The following HERC1 variants were observed in gnomAD, a reference collection of about 807,000 sequenced individuals.
The protein encoded by HERC1 is HECT and RLD domain containing E3 ubiquitin protein ligase family member 1.
In HERC1, 160 loss-of-function variants were observed where a neutral mutation model predicts 554.3. The ratio of observed to expected loss-of-function variants is 0.29; its 90% CI spans 0.25 to 0.33. HERC1 has a LOEUF of 0.33. HERC1 is among the 10% of genes least tolerant of loss of function. The pLI is 1.00. For synonymous variants in HERC1, 2,175 were observed against 2,131.7 expected (o/e 1.02, Z -0.56); for missense variants, 4,919 against 5,918.5 (o/e 0.83, Z 5.54).
At chr15:63,676,197 C>T (rs1207895274) in intron 37 of HERC1, among the ~76,000 whole-genome samples, 2 of 152,148 alleles carry the variant, frequency 1.3e-5, no homozygotes. Context: ...CCACCAAGCC[C>T]AGCCTACTGT....
intron 1 of HERC1, among the ~76,000 whole-genome samples, chr15:63,787,434 G>C (rs2143835426): frequency 6.6e-6 from 1 of 152,144 alleles, no homozygotes; most frequent in South Asian, 2.1e-4. Context: ...TGGAATTTCA[G>C]GCATGAGCCG....
In HERC1 at chr15:63,677,096, T is replaced by G. The variant is rs868539193; in HGVS notation, c.7070+749A>C. Among the ~76,000 whole-genome samples the G allele has an allele frequency of 6.6e-6, 1 of 152,144 alleles. No individual in the cohort carries two copies. The highest frequency in any genetic ancestry group is 2.4e-5 in the African/African-American group (1 of 41,438). On this transcript the variant is annotated intron_variant, in intron 37 of 77. Coordinates refer to ENST00000443617, the MANE Select transcript of HERC1 (RefSeq NM_003922.4). This position sits in a 1 kb window ranked among gnomAD's most constrained non-coding sequence, Gnocchi z 4.4. ...AAATCCCAAATCTGAAATGCTCCAA[T>G]GGGCAACTCCTTTGAGTGAAAACCT...
At chr15:63,651,891 C>A (rs542623134) in intron 52 of HERC1, among the ~76,000 whole-genome samples, 1 of 152,138 alleles carries the variant, frequency 6.6e-6, no homozygotes, top group African/African-American at 2.4e-5. Context: ...CAAAAATTAG[C>A]CGGGCATGGT....
chr15:63,690,678 A>G, intron 31 of HERC1, 31 bp from the exon 32 acceptor site: 2 of 1,299,360 alleles, frequency 1.5e-6, no homozygotes, highest in South Asian at 2.5e-5. Flanking sequence ...TCTTATTATC[A>G]ATGTGACTTA....
rs1596070833 is a variant in HERC1 at position 63,723,208 on chromosome 15, C to T, written c.3716G>A (p.Ser1239Asn). 1 of 1,577,878 alleles carries T rather than the reference C, an allele frequency of 6.3e-7. No individual in the cohort carries two copies. The highest frequency in any genetic ancestry group is 2.3e-5 in the East Asian group (1 of 44,256). Residue 1239 changes from serine to asparagine, a missense_variant, in exon 19 of 78, where the codon AGC becomes AAC. Transcript: ENST00000443617. ...SKEPARSLWISMQDYAVSKDW... is the reference protein window; with the variant it reads ...SKEPARSLWINMQDYAVSKDW... ...TTTACTAACAGCATAGTCCTGCATG[C>T]TGATCCAAAGGCTTCGGGCAGGCTC...
chr15:63,725,428 TG>T lies in HERC1; in HGVS notation c.3431del (p.Thr1144LysfsTer30). 1 of 1,613,664 alleles carries T rather than the reference TG, an allele frequency of 6.2e-7. No homozygotes were observed. The highest frequency in any genetic ancestry group is 8.5e-7 in the Non-Finnish European group (1 of 1,179,808). On this transcript the variant is annotated frameshift_variant, in exon 18 of 78. Transcript: ENST00000443617. LOFTEE classifies it high-confidence loss of function. ...SWVWLVDLER[T>X]IALLIGRCLG... ...GACACCGCCCAATAAGGAGAGCAAT[TG>T]TTCTTTCTAGATCCACAAGCCATAC... is the stretch of plus-strand genomic sequence containing the variant.
intron 68 of HERC1, 36 bp downstream of exon 68, chr15:63,632,673 T>C (rs763158378): frequency 5.3e-6 from 7 of 1,314,824 alleles, no homozygotes; most frequent in Non-Finnish European, 7.5e-6. Context: ...TTTATAATGA[T>C]GTGTACCCAA....
rs1259709831 is a variant in HERC1, at chr15:63,672,481, G to C, written c.8045+15C>G. The C allele has an allele frequency of 1.3e-6, 2 of 1,563,936 alleles. No homozygotes were observed. The highest frequency in any genetic ancestry group is 2.7e-5 in the African/African-American group (2 of 73,896). The stretch of plus-strand genomic sequence containing the variant: ...AGGCATCAGTATGGCAGACATTAAA[G>C]GTCAACTTCTCTACCTGAGAAGACT... On this transcript the variant is annotated intron_variant, in intron 39 of 77. Transcript: ENST00000443617.
At chr15:63,802,725 C>G (rs954824601) in intron 1 of HERC1, among the ~76,000 whole-genome samples, 3 of 152,132 alleles carry the variant, frequency 2.0e-5, no homozygotes, top group African/African-American at 7.2e-5. Flanking sequence ...CCAATCAGCA[C>G]TACAACTATC....
intron 53 of HERC1, 116 bp downstream of exon 53, chr15:63,651,137 T>C (rs1274016544): frequency 3.4e-6 from 3 of 877,278 alleles, no homozygotes; most frequent in Non-Finnish European, 1.8e-6. Context: ...TTCAGAGTTG[T>C]TGGAAGGCTT....
At chr15:63,641,766 T>C (rs2069074253) in intron 59 of HERC1, 123 bp from the exon 60 acceptor site, 1 of 755,008 alleles carries the variant, frequency 1.3e-6, no homozygotes, top group African/African-American at 1.8e-5. Context: ...ATATTTTATA[T>C]CCAAAAAGGC....
At chr15:63,683,637 A>AC (rs754979029) in intron 34 of HERC1, among the ~76,000 whole-genome samples, 37 of 152,308 alleles carry the variant, frequency 2.4e-4, no homozygotes, top group Non-Finnish European at 4.3e-4. Context: ...GTCAGGTCCT[A>AC]CACCATCTAA....
intron 2 of HERC1, among the ~76,000 whole-genome samples, chr15:63,773,596 T>C (rs2142987544): frequency 6.6e-6 from 1 of 152,010 alleles, no homozygotes; most frequent in South Asian, 2.1e-4. Flanking sequence ...TGCCCAGGAG[T>C]GTTGTGGCAT....
chr15:63,712,780 C>A lies in HERC1; in HGVS notation c.4579G>T (p.Ala1527Ser), dbSNP rs748070202. The A allele has an allele frequency of 1.6e-5, 26 of 1,613,484 alleles. No individual in the cohort carries two copies. Among genetic ancestry groups the A allele is most frequent in the Non-Finnish European group, 2.0e-5 (24 of 1,179,656 alleles). Reference protein sequence around the residue: ...SQPESDEEGYALSGRRNVDLD... With the variant: ...SQPESDEEGYSLSGRRNVDLD... ...CTGAATCTGGGTATACCTACCAGTG[C>A]GTAACCCTCTTCATCTGATTCAGGC... The change falls in exon 24 of 78, where the codon GCA (alanine) becomes TCA (serine). Residue 1527 changes from alanine to serine, a missense_variant. This residue lies in a region of HERC1 where 1,121 missense variants were observed against 1,244.0 expected (regional missense o/e 0.90). Coordinates refer to ENST00000443617, the MANE Select transcript of HERC1 (RefSeq NM_003922.4).
chr15:63,638,501 T>A lies in HERC1; in HGVS notation c.12003A>T (p.Leu4001Phe). ...WHLGGKCDVY[L>F]WGAGRHGQLA... ...GCTGTCCATGCCTACCAGCACCCCA[T>A]AAGTAGACATCACATTTACCTCCCA... Residue 4001 changes from leucine (L) to phenylalanine (F), a missense_variant, in exon 63 of 78, where the codon TTA (leucine) becomes TTT (phenylalanine). By Grantham distance (22) the Leu-to-Phe change is conservative (BLOSUM62 0). This residue lies in a region of HERC1 where 122 missense variants were observed against 195.2 expected (regional missense o/e 0.63). Transcript: ENST00000443617. 2 of 1,613,866 alleles carry A rather than the reference T, an allele frequency of 1.2e-6. No homozygotes were observed. Among genetic ancestry groups the A allele is most frequent in the Non-Finnish European group, 1.7e-6 (2 of 1,179,802 alleles).
chr15:63,709,940 A>G (rs1275225021), intron 24 of HERC1, among the ~76,000 whole-genome samples: 1 of 152,258 alleles, frequency 6.6e-6, no homozygotes, highest in Non-Finnish European at 1.5e-5. Flanking sequence ...GTAACATTTT[A>G]GACAGTCCTT....
At position 63,658,533 on chromosome 15, in the gene HERC1, A is replaced by G. The variant is rs749644034; in HGVS notation, c.9599+11T>C. ...TTAACTTAGCATCATGTGACATAAA[A>G]TAACACTTACCTGACTGAGAGAAGA... is the stretch of plus-strand genomic sequence containing the variant. On this transcript the variant is annotated intron_variant, in intron 48 of 77. Transcript: ENST00000443617. 9.4e-6 allele frequency: 15 copies of G among 1,599,482 alleles called. No homozygotes were observed. In the South Asian group the frequency reaches 1.4e-4, roughly 15 times the overall value.
rs1231033938 is a variant in HERC1, at chr15:63,608,918, T to C, written c.*163A>G. 1.1e-5 allele frequency: 6 copies of C among 533,662 alleles called. No homozygotes were observed. Among genetic ancestry groups the C allele is most frequent in the Non-Finnish European group, 1.8e-5 (6 of 333,702 alleles). The allele number at this position is 533,662 out of a possible 1,614,324, so 33.1% of individuals were successfully genotyped here. A position where few individuals can be genotyped will look rare whatever the true frequency, so the allele number is the denominator to read the frequency against. The stretch of plus-strand genomic sequence containing the variant: ...GTACAATCACAGAAAAATAAAAACA[T>C]CTAATTTCTTTGTTACATTTAGAGT... On this transcript the variant is annotated 3_prime_UTR_variant, in exon 78 of 78. Coordinates refer to ENST00000443617, the MANE Select transcript of HERC1 (RefSeq NM_003922.4).
chr15:63,730,903 A>C (rs187637874), intron 14 of HERC1, among the ~76,000 whole-genome samples: 2 of 152,344 alleles, frequency 1.3e-5, no homozygotes, highest in Non-Finnish European at 2.9e-5. Context: ...GAAAATATCA[A>C]AACTCTATTT....
Sources: gnomAD v4.1 joint callset for allele counts (sites outside exome capture counted in the v4.1 genomes callset) on GRCh38, gnomAD v4.1.1 for gene constraint, gnomAD v4.1.1 regional missense constraint, Gnocchi (gnomAD v3.1) non-coding constraint, MANE v1.5 for transcripts, NCBI Gene and HGNC (gene_info 2026-07-23, HGNC 2026-07-21) for gene names.